Variants in CFAP221 observed in about 807,000 individuals in gnomAD.
CFAP221 encodes the protein cilia and flagella associated protein 221.
CFAP221 carries 97 observed loss-of-function variants against 113.1 expected under a neutral mutation model. That is an observed-to-expected ratio of 0.86 (90% confidence interval 0.73 to 1.02). CFAP221 has a LOEUF of 1.02. Among genes scored for constraint, CFAP221 ranks in the 50% least tolerant of loss-of-function variants. CFAP221 has a pLI of 0.00. For missense variants in CFAP221, 1,025 were observed against 1,013.4 expected (o/e 1.01, Z -0.16); for synonymous variants, 331 against 354.4 (o/e 0.93, Z 0.74).
At chr2:119,618,007 G>A (rs1685641851) in intron 14 of CFAP221, among the ~76,000 whole-genome samples, 1 of 152,146 alleles carries the variant, frequency 6.6e-6, no homozygotes, top group Admixed American at 6.5e-5. Flanking sequence ...CACCTCTGCA[G>A]AGGCCTTCCC....
intron 22 of CFAP221, among the ~76,000 whole-genome samples, chr2:119,651,587 A>G (rs181342097): frequency 2.4e-4 from 36 of 151,484 alleles, no homozygotes; most frequent in African/African-American, 6.3e-4. Flanking sequence ...GTTGATTTCT[A>G]TTCTAATTCC....
intron 22 of CFAP221, chr2:119,648,486 G>T (rs1165373113): frequency 6.5e-6 from 2 of 308,170 alleles, no homozygotes. Flanking sequence ...CAGAGTCGGG[G>T]TATAGCACAA....
At chr2:119,659,481 T>C (rs984878999), downstream of CFAP221, among the ~76,000 whole-genome samples, 6 of 19,488 alleles carry the variant, frequency 3.1e-4, no homozygotes, top group African/African-American at 5.6e-4. Context: ...AATACAAAGA[T>C]ACTCAGAGAA....
At chr2:119,621,041 A>G (rs939796269) in intron 14 of CFAP221, among the ~76,000 whole-genome samples, 2 of 152,068 alleles carry the variant, frequency 1.3e-5, no homozygotes, top group Admixed American at 1.3e-4. Flanking sequence ...TCTGACCAAC[A>G]TGGAGAAACC....
chr2:119,546,029 G>A (rs1006004653), intron 1 of CFAP221, 56 bp from the exon 2 acceptor site: 2 of 1,274,156 alleles, frequency 1.6e-6, no homozygotes, highest in Non-Finnish European at 2.1e-6. Context: ...CAAAGAAAGA[G>A]AAAAAATGTG....
intron 5 of CFAP221, 124 bp downstream of exon 5, chr2:119,560,150 G>A (rs116167204): frequency 2.7e-6 from 2 of 752,668 alleles, no homozygotes; most frequent in Non-Finnish European, 4.3e-6. Context: ...CCAGTACCGG[G>A]TGTTCCCCAG....
At chr2:119,596,140 T>C (rs1056210297) in intron 7 of CFAP221, among the ~76,000 whole-genome samples, 1 of 152,042 alleles carries the variant, frequency 6.6e-6, no homozygotes, top group Non-Finnish European at 1.5e-5. Flanking sequence ...AAAAGTCTCT[T>C]TGGCTCCTGA....
downstream of CFAP221, among the ~76,000 whole-genome samples, chr2:119,657,742 G>A (rs1688487978): frequency 6.6e-6 from 1 of 152,194 alleles, no homozygotes; most frequent in African/African-American, 2.4e-5. Context: ...CAGTCCCTCA[G>A]TCTTTTCTCA....
At chr2:119,569,816 T>C (rs1289612453) in intron 6 of CFAP221, among the ~76,000 whole-genome samples, 3 of 152,230 alleles carry the variant, frequency 2.0e-5, no homozygotes, top group Non-Finnish European at 4.4e-5. Context: ...ATTTCTGTTA[T>C]TATGTTTTTG....
chr2:119,597,782 C>A (rs974709078), intron 7 of CFAP221, among the ~76,000 whole-genome samples: 5 of 152,260 alleles, frequency 3.3e-5, no homozygotes, highest in Non-Finnish European at 7.4e-5. Context: ...TTGATGTACA[C>A]CCTATGTAAA....
chr2:119,559,805 A>ACGGT, intron 4 of CFAP221, 30 bp downstream of exon 4: 3 of 1,492,722 alleles, frequency 2.0e-6, no homozygotes, highest in Non-Finnish European at 2.7e-6. Flanking sequence ...CTGTTCTCCC[A>ACGGT]CGGTGTGGTT....
Position 119,601,375 on chromosome 2 carries a change from A to ACCGTATGG in CFAP221, c.791_791+7dup. ...GAACATGCTATCCCAACATGGCCTT[A>ACCGTATGG]CCGTATGGCGTCTTTGCAGTGTTTT... On this transcript the variant is annotated frameshift_variant and splice_region_variant, in exon 8 of 24. Coordinates refer to ENST00000413369, the MANE Select transcript of CFAP221 (RefSeq NM_001271049.2). LOFTEE classifies it high-confidence loss of function. 6.6e-7 allele frequency: 1 copy of ACCGTATGG among 1,514,940 alleles called. No individual in the cohort carries two copies. The highest frequency in any genetic ancestry group is 8.8e-7 in the Non-Finnish European group (1 of 1,131,856). The allele number at this position is 1,514,940 out of a possible 1,614,324, so 93.8% of individuals were successfully genotyped here. A position where few individuals can be genotyped will look rare whatever the true frequency, so the allele number is the denominator to read the frequency against.
At chr2:119,632,729 C>T (rs1315394764) in intron 19 of CFAP221, among the ~76,000 whole-genome samples, 1 of 147,606 alleles carries the variant, frequency 6.8e-6, no homozygotes, top group African/African-American at 2.5e-5. Context: ...GATTGTCTAT[C>T]TAGAAAATAC....
At chr2:119,613,597 T>A (rs887700674) in intron 13 of CFAP221, among the ~76,000 whole-genome samples, 12 of 152,130 alleles carry the variant, frequency 7.9e-5, no homozygotes, top group Admixed American at 5.2e-4. Context: ...TGGCCCCTTT[T>A]AGTTATGGCT....
chr2:119,623,869 C>T (rs1343086983), intron 14 of CFAP221, among the ~76,000 whole-genome samples: 1 of 152,120 alleles, frequency 6.6e-6, no homozygotes, highest in Non-Finnish European at 1.5e-5. Flanking sequence ...AAAATTAACT[C>T]AAGATGGATT....
intron 6 of CFAP221, among the ~76,000 whole-genome samples, chr2:119,583,369 T>G (rs1305018340): frequency 6.6e-6 from 1 of 150,610 alleles, no homozygotes; most frequent in East Asian, 1.9e-4. Context: ...ATTACAACAG[T>G]TGGGAAAGTA....
intron 3 of CFAP221, among the ~76,000 whole-genome samples, chr2:119,549,631 C>A (rs1680285932): frequency 6.6e-6 from 1 of 152,210 alleles, no homozygotes; most frequent in Non-Finnish European, 1.5e-5. Context: ...TTCTCCAGAT[C>A]ACTCTTGCTC....
At chr2:119,559,857 T>A in intron 4 of CFAP221, 71 bp from the exon 5 acceptor site, 1 of 1,474,330 alleles carries the variant, frequency 6.8e-7, no homozygotes, top group Admixed American at 2.0e-5. Flanking sequence ...GTGTGTGGTG[T>A]GTTGTCACCC....
At chr2:119,647,764 A>G (rs962487584) in intron 22 of CFAP221, among the ~76,000 whole-genome samples, 2 of 152,224 alleles carry the variant, frequency 1.3e-5, no homozygotes, top group African/African-American at 4.8e-5. Flanking sequence ...TAGAAGTTCC[A>G]TATGTTTTAA....
Sources: gnomAD v4.1 joint callset for allele counts (sites outside exome capture counted in the v4.1 genomes callset) on GRCh38, gnomAD v4.1.1 for gene constraint, MANE v1.5 for transcripts, NCBI Gene and HGNC (gene_info 2026-07-23, HGNC 2026-07-21) for gene names.